Variants in TENM3 observed in about 807,000 individuals in gnomAD.
TENM3 encodes teneurin-3.
TENM3 carries 63 observed loss-of-function variants against 255.1 expected under a neutral mutation model. The observed-to-expected ratio is 0.25, with a 90% CI of 0.20 to 0.30. The LOEUF (loss-of-function observed/expected upper bound fraction) is 0.30, where lower values mean the gene tolerates loss of function less well. Among genes scored for constraint, TENM3 ranks in the 10% least tolerant of loss-of-function variants. The probability of loss-of-function intolerance (pLI) is 1.00; values close to 1 mark genes in which losing one functional copy is unlikely to be tolerated. For synonymous variants in TENM3, 1,306 were observed against 1,322.3 expected, an observed-to-expected ratio of 0.99 and a Z score of 0.27; for missense variants, 2,929 against 3,461.1, an observed-to-expected ratio of 0.85 and a Z score of 3.86.
chr4:181,656,184 G>T, the TENM3 span, among the ~76,000 whole-genome samples: 993 of 152,214 alleles, frequency 6.5e-3, 5 homozygotes, highest in Non-Finnish European at 0.011. Context: ...CAGAACCCAG[G>T]CTTTTGAGGC....
In TENM3 at chr4:182,730,901, G is replaced by A; in HGVS notation, c.2729G>A (p.Gly910Glu). The A allele has an allele frequency of 6.2e-7, 1 of 1,613,814 alleles. No homozygotes were observed. The highest frequency in any genetic ancestry group is 8.5e-7 in the Non-Finnish European group (1 of 1,179,808). The stretch of plus-strand genomic sequence containing the variant: ...AGGTTTGACTTGGTGGCAAATGGTG[G>A]GGCCTCTCTAACTTTGGTATTTGAA... The part of the protein sequence containing the change: ...DGMFDLVANG[G>E]ASLTLVFERS... The change falls in exon 16 of 28, where the codon GGG becomes GAG. Residue 910 changes from glycine to glutamate, a missense_variant. By Grantham distance (98) the Gly-to-Glu change is moderately conservative. Around this residue, in one of 6 missense-constraint regions of TENM3, gnomAD observed 1,608 missense variants for 1,884.4 expected, o/e 0.85. Coordinates refer to ENST00000511685, the MANE Select transcript of TENM3 (RefSeq NM_001080477.4).
intron 4 of TENM3, among the ~76,000 whole-genome samples, chr4:182,621,921 G>A (rs1183423644): frequency 6.8e-6 from 1 of 146,738 alleles, no homozygotes; most frequent in Non-Finnish European, 1.5e-5. Context: ...GCTCCAGTGA[G>A]CTGTCTTCAC....
At chr4:182,730,023 G>A (rs1425435968) in intron 14 of TENM3, among the ~76,000 whole-genome samples, 177 bp from the exon 15 acceptor site, 2 of 152,112 alleles carry the variant, frequency 1.3e-5, no homozygotes, top group African/African-American at 4.8e-5. Context: ...GAGAATATGC[G>A]TTACACTGAA....
chr4:182,644,759 TAAGA>T (rs1752596889), intron 5 of TENM3, among the ~76,000 whole-genome samples: 1 of 152,130 alleles, frequency 6.6e-6, no homozygotes, highest in Non-Finnish European at 1.5e-5. Context: ...TTTAATTACA[TAAGA>T]AAGATTTAAT....
intron 4 of TENM3, among the ~76,000 whole-genome samples, chr4:182,612,140 C>T (rs555854449): frequency 2.6e-5 from 4 of 151,936 alleles, no homozygotes; most frequent in South Asian, 4.2e-4. Context: ...GGCGTGGTGG[C>T]GGATGCCTGT....
intron 2 of TENM3, among the ~76,000 whole-genome samples, chr4:182,334,188 G>C (rs1763955404): frequency 1.3e-5 from 2 of 151,940 alleles, no homozygotes; most frequent in Admixed American, 6.6e-5. Flanking sequence ...CTATCACAAA[G>C]GCAACAGACA....
chr4:181,711,231 T>C, the TENM3 span, among the ~76,000 whole-genome samples: 1 of 152,190 alleles, frequency 6.6e-6, no homozygotes, highest in Admixed American at 6.5e-5. Context: ...ATTGAAATTA[T>C]TGCAAATAAT....
intron 3 of TENM3, among the ~76,000 whole-genome samples, chr4:182,533,243 C>T (rs897909791): frequency 6.6e-6 from 1 of 152,148 alleles, no homozygotes; most frequent in East Asian, 1.9e-4. Flanking sequence ...TAGGGGTCTG[C>T]AATCTATTCT....
intron 3 of TENM3, among the ~76,000 whole-genome samples, chr4:182,589,959 C>A (rs1235697243): frequency 6.6e-6 from 1 of 152,104 alleles, no homozygotes; most frequent in Admixed American, 6.5e-5. Context: ...GCCTGGGCAA[C>A]CAAGCAAGAC....
At chr4:182,092,289 G>A in the TENM3 span, among the ~76,000 whole-genome samples, 1 of 152,060 alleles carries the variant, frequency 6.6e-6, no homozygotes. Context: ...GAGTTGAGAT[G>A]GCGCCACTAC....
the TENM3 span, among the ~76,000 whole-genome samples, chr4:181,605,589 G>GAAAGAAAGA: frequency 3.0e-3 from 106 of 35,770 alleles, 14 homozygotes; most frequent in African/African-American, 0.01. Context: ...AGAAAGGAAA[G>GAAAGAAAGA]AAAGAAAGAA....
chr4:181,782,744 T>A, the TENM3 span, among the ~76,000 whole-genome samples: 72 of 152,362 alleles, frequency 4.7e-4, no homozygotes, highest in African/African-American at 1.6e-3. Context: ...TCCTGCTTTT[T>A]CTTGCGGGTG....
the TENM3 span, among the ~76,000 whole-genome samples, chr4:181,604,966 A>G: frequency 1.3e-5 from 2 of 152,138 alleles, no homozygotes; most frequent in Non-Finnish European, 2.9e-5. Context: ...AATGTGTGTT[A>G]TTGCGCAAAG....
chr4:181,707,371 C>T, the TENM3 span, among the ~76,000 whole-genome samples: 3 of 152,132 alleles, frequency 2.0e-5, no homozygotes, highest in African/African-American at 7.2e-5. Flanking sequence ...ATAAAAAGTT[C>T]CACGTGCTAA....
chr4:181,925,783 G>C, the TENM3 span, among the ~76,000 whole-genome samples: 1 of 152,206 alleles, frequency 6.6e-6, no homozygotes, highest in Admixed American at 6.5e-5. Context: ...TGGCACTGGA[G>C]AGGGACTGGT....
At chr4:182,732,033 G>C (rs1052151227) in intron 16 of TENM3, among the ~76,000 whole-genome samples, 5 of 151,830 alleles carry the variant, frequency 3.3e-5, no homozygotes, top group African/African-American at 1.2e-4. Context: ...CGCCCACCTT[G>C]ACCTCCCAAA....
chr4:181,552,075 T>A, the TENM3 span, among the ~76,000 whole-genome samples: 5 of 152,046 alleles, frequency 3.3e-5, no homozygotes, highest in African/African-American at 1.2e-4. Context: ...TGAATGTGTT[T>A]AAATGTAAAG....
chr4:182,785,722 A>G (rs1243515462), intron 24 of TENM3, among the ~76,000 whole-genome samples: 3 of 150,788 alleles, frequency 2.0e-5, no homozygotes, highest in Non-Finnish European at 3.0e-5. Flanking sequence ...TAAAAAAAAA[A>G]AAAAAAAAAA....
chr4:182,224,422 C>T (rs151112639), intron 1 of TENM3, among the ~76,000 whole-genome samples: 4,113 of 152,154 alleles, frequency 0.027, 76 homozygotes, highest in Non-Finnish European at 0.04. Context: ...GTAGCCTAGC[C>T]GACTCTGTCA....
Sources: gnomAD v4.1 joint callset for allele counts (sites outside exome capture counted in the v4.1 genomes callset) on GRCh38, gnomAD v4.1.1 for gene constraint, gnomAD v4.1.1 regional missense constraint, MANE v1.5 for transcripts, NCBI Gene and HGNC (gene_info 2026-07-23, HGNC 2026-07-21) for gene names.